Variants in VSTM4 observed in about 807,000 individuals in gnomAD.
The protein encoded by VSTM4 is V-set and transmembrane domain-containing protein 4.
In VSTM4, 20 loss-of-function variants were observed where a neutral mutation model predicts 36.4. The observed-to-expected ratio is 0.55, with a 90% confidence interval of 0.39 to 0.80. The LOEUF (loss-of-function observed/expected upper bound fraction) is 0.80. Ranked by LOEUF, VSTM4 falls within the 30% of genes least tolerant of loss-of-function variation. The pLI is 0.00. For missense variants in VSTM4, 392 were observed against 404.5 expected (o/e 0.97, Z 0.26); for synonymous variants, 182 against 173.9 (o/e 1.05, Z -0.37).
intron 2 of VSTM4, among the ~76,000 whole-genome samples, chr10:49,101,130 T>C (rs1421890849): frequency 3.9e-5 from 6 of 152,082 alleles, no homozygotes; most frequent in African/African-American, 7.2e-5. Flanking sequence ...CTTTCCAAGA[T>C]TCGATACAAA....
At chr10:49,055,680 A>G (rs1043008245) in intron 5 of VSTM4, among the ~76,000 whole-genome samples, 7 of 152,202 alleles carry the variant, frequency 4.6e-5, no homozygotes, top group African/African-American at 1.7e-4. Context: ...ACACAAAGTC[A>G]ATTGGTTCCA....
At chr10:49,077,174 C>A (rs1166009099) in intron 4 of VSTM4, 45 bp downstream of exon 4, 3 of 1,584,672 alleles carry the variant, frequency 1.9e-6, no homozygotes, top group South Asian at 1.1e-5. Context: ...CGTCTGTGGT[C>A]GGGGTGTGCT....
intron 5 of VSTM4, among the ~76,000 whole-genome samples, chr10:49,049,568 C>T (rs1843666179): frequency 6.6e-6 from 1 of 152,060 alleles, no homozygotes; most frequent in Non-Finnish European, 1.5e-5. Flanking sequence ...AAGTCCAGGT[C>T]TCAAGAGAGG....
chr10:49,082,541 GGCACATGCCTGTAATCCCA>G (rs1429039417), intron 3 of VSTM4, among the ~76,000 whole-genome samples: 1 of 152,052 alleles, frequency 6.6e-6, no homozygotes, highest in Admixed American at 6.6e-5. Context: ...CAGGTGTGGT[GGCACATGCCTGTAATCCCA>G]GCTACTTGGG....
At chr10:49,100,042 G>C (rs1044401676) in intron 2 of VSTM4, among the ~76,000 whole-genome samples, 1 of 151,986 alleles carries the variant, frequency 6.6e-6, no homozygotes, top group African/African-American at 2.4e-5. Flanking sequence ...GAAAAAGGAA[G>C]GAAAAGGAAA....
chr10:49,099,082 G>A (rs1159179402), intron 2 of VSTM4, among the ~76,000 whole-genome samples: 3 of 152,162 alleles, frequency 2.0e-5, no homozygotes, highest in African/African-American at 7.2e-5. Flanking sequence ...CTGTCTGTCT[G>A]GAAATGAAGT....
chr10:49,103,474 T>C (rs1359214276), intron 2 of VSTM4: 3 of 1,062,156 alleles, frequency 2.8e-6, no homozygotes, highest in South Asian at 8.7e-5. Context: ...ACCCTTTCAG[T>C]ATTTTTCCAT....
At chr10:49,113,974 G>A (rs566061071) in intron 1 of VSTM4, among the ~76,000 whole-genome samples, 2 of 152,192 alleles carry the variant, frequency 1.3e-5, no homozygotes, top group South Asian at 4.2e-4. Flanking sequence ...GAATGCCCTT[G>A]ATCCCCAGCA....
intron 4 of VSTM4, among the ~76,000 whole-genome samples, chr10:49,070,252 C>CAAAAAAAAAAAAAA: frequency 4.6e-5 from 1 of 21,726 alleles, no homozygotes; most frequent in East Asian, 1.0e-3. Flanking sequence ...GACTCCGTCT[C>CAAAAAAAAAAAAAA]AAAAAAAAAA....
At chr10:49,043,886 T>G (rs776468178) in intron 7 of VSTM4, among the ~76,000 whole-genome samples, 13 of 152,220 alleles carry the variant, frequency 8.5e-5, no homozygotes, top group Non-Finnish European at 1.6e-4. Context: ...ATGATGCCTA[T>G]TAGGTTAAGG....
chr10:49,027,174 C>G (rs1843275365), intron 7 of VSTM4, among the ~76,000 whole-genome samples: 1 of 152,208 alleles, frequency 6.6e-6, no homozygotes, highest in South Asian at 2.1e-4. Context: ...CTCGCCCTCT[C>G]TAATGACCAT....
intron 2 of VSTM4, chr10:49,102,161 T>G (rs751829416): frequency 8.3e-4 from 15 of 18,098 alleles, no homozygotes; most frequent in Non-Finnish European, 1.2e-3. Flanking sequence ...TTGTTTTTTG[T>G]TTTTTTTTTT....
intron 7 of VSTM4, among the ~76,000 whole-genome samples, chr10:49,045,226 T>C (rs549037648): frequency 4.2e-5 from 6 of 143,306 alleles, no homozygotes; most frequent in African/African-American, 1.5e-4. Flanking sequence ...CTCTCTCTCA[T>C]GCACACACAC....
intron 2 of VSTM4, chr10:49,103,599 T>A (rs990779242): frequency 8.3e-5 from 120 of 1,452,878 alleles, no homozygotes; most frequent in African/African-American, 2.1e-4. Context: ...TTCTCAGAAC[T>A]GGGAGTTATT....
In VSTM4 at chr10:49,098,151, C is replaced by T. The variant is rs533879148; in HGVS notation, c.457+9443G>A. Among the ~76,000 whole-genome samples, 4 of 152,312 alleles carry T rather than the reference C, an allele frequency of 2.6e-5. No homozygotes were observed. In the East Asian group the frequency reaches 5.8e-4, roughly 22 times the overall value. ...GCTTATGCTCCCTCAATTCTCATCC[C>T]GTTTTCCTTGTGCCACCCCCTTCAG... On this transcript the variant is annotated intron_variant, in intron 2 of 7. Transcript: ENST00000332853.
At chr10:49,021,976 C>T (rs138693284) in intron 7 of VSTM4, among the ~76,000 whole-genome samples, 1,702 of 152,238 alleles carry the variant, frequency 0.011, 15 homozygotes, top group Non-Finnish European at 0.017. Flanking sequence ...TGGGAACTCT[C>T]GGCACTCGTT....
At chr10:49,099,165 CAG>C (rs1214609132) in intron 2 of VSTM4, among the ~76,000 whole-genome samples, 5 of 152,208 alleles carry the variant, frequency 3.3e-5, no homozygotes, top group African/African-American at 1.2e-4. Context: ...ACCTCCTTCT[CAG>C]GGGCTCCAGG....
chr10:49,045,202 T>C (rs199945903), intron 7 of VSTM4, among the ~76,000 whole-genome samples: 2,019 of 148,496 alleles, frequency 0.014, 15 homozygotes, highest in Non-Finnish European at 0.023. Flanking sequence ...CAGTCTTTCT[T>C]TCTCTCTCTC....
At position 49,077,432 on chromosome 10, in the gene VSTM4, A is replaced by T. The variant is rs1028600786; in HGVS notation, c.527-106T>A. 2.9e-5 allele frequency: 29 copies of T among 1,004,624 alleles called. No homozygotes were observed. In the African/African-American group the frequency reaches 3.2e-4, roughly 11 times the overall value. The allele number at this position is 1,004,624 out of a possible 1,614,324, so 62.2% of individuals were successfully genotyped here. On this transcript the variant is annotated intron_variant, in intron 3 of 7. Coordinates refer to ENST00000332853, the MANE Select transcript of VSTM4 (RefSeq NM_001031746.5). ...GGAATATTTGAAATCCCAGTGCTAC[A>T]GTCAACAAGGCAGTGTGGTATTGGT... is the stretch of plus-strand genomic sequence containing the variant.
Sources: gnomAD v4.1 joint callset for allele counts (sites outside exome capture counted in the v4.1 genomes callset) on GRCh38, gnomAD v4.1.1 for gene constraint, MANE v1.5 for transcripts, NCBI Gene and HGNC (gene_info 2026-07-23, HGNC 2026-07-21) for gene names.